ECE1: variants seen among roughly 807,000 people sequenced by gnomAD.
ECE1 encodes endothelin converting enzyme 1.
Under a neutral mutation model 98.6 loss-of-function variants are expected in ECE1, and 35 were observed. The observed-to-expected ratio is 0.35, with a 90% CI of 0.27 to 0.47. ECE1 has a LOEUF of 0.47. Among genes scored for constraint, ECE1 ranks in the 20% least tolerant of loss-of-function variants. The probability of loss-of-function intolerance (pLI) is 1.00; values close to 1 mark genes in which losing one functional copy is unlikely to be tolerated. For synonymous variants in ECE1, 394 were observed against 407.1 expected, an observed-to-expected ratio of 0.97 and a Z score of 0.39; for missense variants, 814 against 1,025.3, an observed-to-expected ratio of 0.79 and a Z score of 2.81.
At chr1:21,325,454 G>T (rs998842455) in intron 1 of ECE1, among the ~76,000 whole-genome samples, 2 of 152,258 alleles carry the variant, frequency 1.3e-5, no homozygotes, top group Non-Finnish European at 2.9e-5. Context: ...GGCACTCCCT[G>T]CTCCCCATGC....
intron 17 of ECE1, among the ~76,000 whole-genome samples, chr1:21,223,284 T>C (rs1351788206): frequency 1.3e-5 from 2 of 151,108 alleles, no homozygotes; most frequent in East Asian, 3.9e-4. Flanking sequence ...ACTCTTGTTT[T>C]ATTTTTATTT....
intron 8 of ECE1, among the ~76,000 whole-genome samples, chr1:21,250,958 G>GCAAA (rs2098212005): frequency 6.8e-6 from 1 of 147,844 alleles, no homozygotes; most frequent in Non-Finnish European, 1.5e-5. Flanking sequence ...AGTGAGCGGG[G>GCAAA]ATCGCGCCAC....
chr1:21,236,854 T>A lies in ECE1; in HGVS notation c.1390-10A>T. ...GGATGATCTCGGTGGCCTGAGGAGA[T>A]ACACATCACAGCAGTAAGGTCTGCG... is the stretch of plus-strand genomic sequence containing the variant. On this transcript the variant is annotated splice_polypyrimidine_tract_variant and intron_variant, in intron 11 of 18. Transcript: ENST00000374893. The A allele has an allele frequency of 1.2e-6, 2 of 1,610,476 alleles. No individual in the cohort carries two copies. The highest frequency in any genetic ancestry group is 2.7e-5 in the African/African-American group (2 of 74,054).
chr1:21,314,226 A>G (rs532387429), intron 1 of ECE1, among the ~76,000 whole-genome samples: 1 of 152,324 alleles, frequency 6.6e-6, no homozygotes, highest in East Asian at 1.9e-4. Context: ...TTTCTACCCG[A>G]TACTCAGGCA....
intron 1 of ECE1, among the ~76,000 whole-genome samples, chr1:21,332,866 A>G (rs1374337494): frequency 6.6e-6 from 1 of 151,280 alleles, no homozygotes; most frequent in Non-Finnish European, 1.5e-5. Context: ...CGGATGGTGA[A>G]GTAAGTTTCT....
chr1:21,234,463 C>T (rs1017498668), intron 13 of ECE1, among the ~76,000 whole-genome samples: 3 of 150,732 alleles, frequency 2.0e-5, no homozygotes, highest in Admixed American at 6.7e-5. Context: ...TTTCACTACT[C>T]GGCCCAGCTT....
chr1:21,228,926 C>T (rs1333173177), intron 14 of ECE1, among the ~76,000 whole-genome samples: 4 of 151,398 alleles, frequency 2.6e-5, no homozygotes, highest in South Asian at 2.1e-4. Flanking sequence ...CTGCAGCCTC[C>T]GCCCCCCGGG....
At chr1:21,256,950 T>G (rs1025609565) in intron 7 of ECE1, among the ~76,000 whole-genome samples, 16 of 152,038 alleles carry the variant, frequency 1.1e-4, no homozygotes, top group African/African-American at 3.9e-4. Context: ...GTCAAGTACA[T>G]GCCGGCGGAA....
At chr1:21,231,879 G>T (rs546754737) in intron 14 of ECE1, among the ~76,000 whole-genome samples, 1 of 152,222 alleles carries the variant, frequency 6.6e-6, no homozygotes, top group Non-Finnish European at 1.5e-5. Context: ...CTCTCAAAGC[G>T]TTCGAATTAC....
chr1:21,263,481 C>T (rs1019521153), intron 4 of ECE1, among the ~76,000 whole-genome samples: 3 of 151,972 alleles, frequency 2.0e-5, no homozygotes, highest in African/African-American at 7.3e-5. Context: ...CTCAGCCTCC[C>T]GAGTAGCTGG....
At chr1:21,334,540 C>T (rs111352181) in intron 1 of ECE1, among the ~76,000 whole-genome samples, 5 of 152,240 alleles carry the variant, frequency 3.3e-5, no homozygotes, top group African/African-American at 7.2e-5. Context: ...CCTCACTTCT[C>T]GGCAGGGTGT....
intron 2 of ECE1, among the ~76,000 whole-genome samples, chr1:21,288,266 C>T (rs2098262790): frequency 6.6e-6 from 1 of 152,220 alleles, no homozygotes; most frequent in Non-Finnish European, 1.5e-5. Flanking sequence ...CTCTTTGTCC[C>T]TCACCTTTAT....
Position 21,236,810 on chromosome 1 carries a change from A to C in ECE1, c.1424T>G (p.Phe475Cys). Residue 475 changes from phenylalanine to cysteine, a missense_variant, in exon 12 of 19, where the codon TTT becomes TGT. Around this residue, in one of 3 missense-constraint regions of ECE1, gnomAD observed 452 missense variants for 567.3 expected, o/e 0.80. Coordinates refer to ENST00000374893, the MANE Select transcript of ECE1 (RefSeq NM_001397.3). ...TEIILEIKKAFEESLSTLKWM... is the reference protein window; with the variant it reads ...TEIILEIKKACEESLSTLKWM... ...CTTCAGGGTGCTCAGGCTTTCCTCAAATGCCTTCTTAATCTCCAGGATGAT... is the reference window on the plus strand; with the variant it reads ...CTTCAGGGTGCTCAGGCTTTCCTCACATGCCTTCTTAATCTCCAGGATGAT... 1 of 1,612,796 alleles carries C rather than the reference A, an allele frequency of 6.2e-7. No homozygotes were observed. Among genetic ancestry groups the C allele is most frequent in the Non-Finnish European group, 8.5e-7 (1 of 1,179,842 alleles).
intron 1 of ECE1, among the ~76,000 whole-genome samples, chr1:21,304,055 C>T (rs1252350376): frequency 6.6e-6 from 1 of 150,888 alleles, no homozygotes; most frequent in Non-Finnish European, 1.5e-5. Context: ...GTGGCTCACG[C>T]CTGTAATCCC....
chr1:21,255,522 C>T (rs1037091086), intron 8 of ECE1, among the ~76,000 whole-genome samples: 4 of 152,170 alleles, frequency 2.6e-5, no homozygotes, highest in African/African-American at 4.8e-5. Context: ...TAGGAGCCTC[C>T]GGACCTTGAT....
intron 1 of ECE1, among the ~76,000 whole-genome samples, chr1:21,300,293 G>T (rs1352787345): frequency 6.6e-6 from 1 of 152,256 alleles, no homozygotes; most frequent in East Asian, 1.9e-4. Context: ...CAGGTGGGTG[G>T]CTCTGGGCAG....
At chr1:21,242,185 G>A (rs1053967705) in intron 10 of ECE1, among the ~76,000 whole-genome samples, 17 of 152,200 alleles carry the variant, frequency 1.1e-4, no homozygotes, top group African/African-American at 4.1e-4. Flanking sequence ...CCTTTCTACA[G>A]ATGGGAGATT....
chr1:21,227,942 G>A lies in ECE1; in HGVS notation c.1770C>T (p.Arg590=), dbSNP rs1356112148. ...AGILQAPFYT[R]SSPKALNFGG... is the part of the protein sequence containing the mutation. ...CAGAGGCAGCCTACTTGGGTGAGGAGCGTGTGTAGAATGGTGCCTGCAGGA... is the reference window on the plus strand; with the variant it reads ...CAGAGGCAGCCTACTTGGGTGAGGAACGTGTGTAGAATGGTGCCTGCAGGA... The change falls in exon 15 of 19, where the codon CGC becomes CGT. Residue 590 remains arginine (R), a synonymous_variant. Transcript: ENST00000374893. 1.3e-6 allele frequency: 2 copies of A among 1,554,072 alleles called. No homozygotes were observed. The highest frequency in any genetic ancestry group is 1.4e-5 in the African/African-American group (1 of 73,338).
chr1:21,290,048 G>C lies in ECE1; in HGVS notation c.138+22C>G. 1 of 1,422,140 alleles carries C rather than the reference G, an allele frequency of 7.0e-7. No individual in the cohort carries two copies. Among genetic ancestry groups the C allele is most frequent in the African/African-American group, 1.5e-5 (1 of 68,210 alleles). 88.1% of individuals were successfully genotyped at this position (1,422,140 alleles called of 1,614,324 possible). A position where few individuals can be genotyped will look rare whatever the true frequency, so the allele number is the denominator to read the frequency against. On this transcript the variant is annotated intron_variant, in intron 2 of 18. Coordinates refer to ENST00000374893, the MANE Select transcript of ECE1 (RefSeq NM_001397.3). The surrounding 1 kb of genome is among the most constrained non-coding windows in gnomAD (Gnocchi z 7.3). ...CCGGGCCCGGGGCGCCTGGACCTCG[G>C]GAGGGAGCGGAGGGCGCCTACCTGC...
Sources: gnomAD v4.1 joint callset for allele counts (sites outside exome capture counted in the v4.1 genomes callset) on GRCh38, gnomAD v4.1.1 for gene constraint, gnomAD v4.1.1 regional missense constraint, Gnocchi (gnomAD v3.1) non-coding constraint, MANE v1.5 for transcripts, NCBI Gene and HGNC (gene_info 2026-07-23, HGNC 2026-07-21) for gene names.